RBM12B: variants seen among roughly 807,000 people sequenced by gnomAD.
RBM12B encodes RNA binding motif protein 12B.
RBM12B carries 10 observed loss-of-function variants against 34.3 expected under a neutral mutation model. That is an observed-to-expected ratio of 0.29 (90% CI 0.18 to 0.49). The LOEUF (loss-of-function observed/expected upper bound fraction) is 0.49, where lower values mean the gene tolerates loss of function less well. Among genes scored for constraint, RBM12B ranks in the 20% least tolerant of loss-of-function variants. The pLI is 0.99. For missense variants in RBM12B, 1,139 were observed against 1,262.7 expected (o/e 0.90, Z 1.48); for synonymous variants, 477 against 437.1 (o/e 1.09, Z -1.14).
Position 93,733,494 on chromosome 8 carries a change from T to C in RBM12B, c.2917A>G (p.Met973Val), listed in dbSNP as rs1215900742. 30 of 1,608,486 alleles carry C rather than the reference T, an allele frequency of 1.9e-5. No individual in the cohort carries two copies. Among genetic ancestry groups the C allele is most frequent in the Non-Finnish European group, 2.3e-5 (27 of 1,176,618 alleles). ...GLPTGEAIVA[M>V]INYNEAMAAI... is the part of the protein sequence containing the mutation. The stretch of plus-strand genomic sequence containing the variant: ...GCCATAGCTTCATTATAGTTTATCA[T>C]AGCAACAATGGCTTCCCCTGTAGGT... The change falls in exon 4 of 4, where the codon ATG becomes GTG. Residue 973 changes from methionine (M) to valine (V), a missense_variant. By Grantham distance (21) the Met-to-Val change is conservative (BLOSUM62 1). Transcript: ENST00000520560.
At chr8:93,738,347 G>T (rs757067929) in intron 2 of RBM12B, among the ~76,000 whole-genome samples, 1 of 152,198 alleles carries the variant, frequency 6.6e-6, no homozygotes, top group Non-Finnish European at 1.5e-5. Flanking sequence ...GGGATTACCC[G>T]TTTACTGAAA....
In RBM12B at chr8:93,735,238, A is replaced by G; in HGVS notation, c.1173T>C (p.Ser391=). The change falls in exon 4 of 4, where the codon TCT becomes TCC. Residue 391 remains serine (S), a synonymous_variant. Transcript: ENST00000520560. The stretch of plus-strand genomic sequence containing the variant: ...GTTTCTGGCCAGAGTTACCTTCTTG[A>G]GAGTATTTTTGTGAAACATGTCCGG... ...DRPGHVSQKY[S]QEGNSGQKLC... 6.2e-7 allele frequency: 1 copy of G among 1,614,046 alleles called. No individual in the cohort carries two copies. The highest frequency in any genetic ancestry group is 8.5e-7 in the Non-Finnish European group (1 of 1,180,034).
intron 1 of RBM12B, 27 bp from the exon 2 acceptor site, chr8:93,740,723 T>C (rs1023256707): frequency 2.1e-4 from 76 of 356,548 alleles, no homozygotes; most frequent in Non-Finnish European, 3.6e-4. Context: ...AGTCGGTGTT[T>C]TAGCAAGAAA....
chr8:93,734,738 A>G lies in RBM12B; in HGVS notation c.1673T>C (p.Phe558Ser), dbSNP rs756448376. 6.2e-7 allele frequency: 1 copy of G among 1,614,084 alleles called. No homozygotes were observed. The highest frequency in any genetic ancestry group is 8.5e-7 in the Non-Finnish European group (1 of 1,180,008). ...RQPDRHPPED[F>S]RHSSEDFRFP... is the part of the protein sequence containing the mutation. ...CCTAAAGTCCTCTGAGGAGTGTCGG[A>G]AGTCTTCTGGAGGGTGCCTGTCAGG... The change falls in exon 4 of 4, where the codon TTC becomes TCC. Residue 558 changes from phenylalanine to serine, a missense_variant. Phe to Ser is a radical substitution (Grantham distance 155). Coordinates refer to ENST00000520560, the MANE Select transcript of RBM12B (RefSeq NM_001377960.1).
chr8:93,734,768 C>T lies in RBM12B; in HGVS notation c.1643G>A (p.Arg548Gln), dbSNP rs758611467. 1.1e-4 allele frequency: 175 copies of T among 1,613,986 alleles called. 1 individual carries two copies. The Admixed American group carries it at 2.6e-3, about 24-fold the overall frequency. ...TTCTGGAGGGTGCCTGTCAGGCTGC[C>T]GGAAATCCCTCTGGGGATGCTTGAA... is the stretch of plus-strand genomic sequence containing the variant. ...DNFKHPQRDFRQPDRHPPEDF... is the reference protein window; with the variant it reads ...DNFKHPQRDFQQPDRHPPEDF... Residue 548 changes from arginine (R) to glutamine (Q), a missense_variant, in exon 4 of 4, where the codon CGG becomes CAG. By Grantham distance (43) the Arg-to-Gln change is conservative. This residue lies in a region of RBM12B where 863 missense variants were observed against 869.5 expected (regional missense o/e 0.99). Transcript: ENST00000520560.
Position 93,734,086 on chromosome 8 carries a change from G to C in RBM12B, c.2325C>G (p.Pro775=). The change falls in exon 4 of 4, where the codon CCC becomes CCG. Residue 775 remains proline (P), a synonymous_variant. Coordinates refer to ENST00000520560, the MANE Select transcript of RBM12B (RefSeq NM_001377960.1). ...RPPPEHFRRP[P]PEHFRRPPQE... ...GGGGCGGTCTCCGGAAGTGCTCCGG[G>C]GGCGGGCGCCTGAAATGCTCTGGGG... 1 of 1,564,032 alleles carries C rather than the reference G, an allele frequency of 6.4e-7. No individual in the cohort carries two copies.
chr8:93,740,253 A>T (rs189238517), intron 2 of RBM12B: 53 of 454,546 alleles, frequency 1.2e-4, no homozygotes, highest in Non-Finnish European at 2.1e-4. Flanking sequence ...ACGAATCCAC[A>T]TGGCACAGGA....
In RBM12B at chr8:93,735,398, T is replaced by C; in HGVS notation, c.1013A>G (p.Asn338Ser). The C allele has an allele frequency of 1.2e-6, 2 of 1,613,398 alleles. No individual in the cohort carries two copies. Among genetic ancestry groups the C allele is most frequent in the Non-Finnish European group, 1.7e-6 (2 of 1,179,546 alleles). The stretch of plus-strand genomic sequence containing the variant: ...AGTCTTATGTAAACTCAGAGCGGTA[T>C]TATAGTCTTTCAGAGTCTTGAACAT... ...FVMFKTLKDYNTALSLHKTVL... is the reference protein window; with the variant it reads ...FVMFKTLKDYSTALSLHKTVL... Residue 338 changes from asparagine (N) to serine (S), a missense_variant, in exon 4 of 4, where the codon AAT becomes AGT. Transcript: ENST00000520560.
At chr8:93,738,838 G>A (rs1812105024) in intron 2 of RBM12B, 1 of 152,138 alleles carries the variant, frequency 6.6e-6, no homozygotes, top group Non-Finnish European at 1.5e-5. Flanking sequence ...AAGTACCACT[G>A]TTCCCCAAAG....
chr8:93,734,278 AGGGGAATGCCTGAAATCCTCCTCT>A lies in RBM12B; in HGVS notation c.2109_2132del (p.His709_Arg716del), dbSNP rs1375486840. On this transcript the variant is annotated inframe_deletion, in exon 4 of 4. Coordinates refer to ENST00000520560, the MANE Select transcript of RBM12B (RefSeq NM_001377960.1). Reference sequence around the variant, plus strand: ...GGGGTGACTGCCTGAAGTCCTCCTCAGGGGAATGCCTGAAATCCTCCTCTGGGGGCCGCCTGAAGTCATCCTCGG... The same window carrying A: ...GGGGTGACTGCCTGAAGTCCTCCTCAGGGGGCCGCCTGAAGTCATCCTCGG... 6.2e-7 allele frequency: 1 copy of A among 1,611,974 alleles called. No homozygotes were observed. Among genetic ancestry groups the A allele is most frequent in the African/African-American group, 1.3e-5 (1 of 74,278 alleles).
At position 93,728,236 on chromosome 8, in the gene RBM12B, A is replaced by T. The variant is rs756303413; in HGVS notation, c.*5169T>A. On this transcript the variant is annotated 3_prime_UTR_variant, in exon 4 of 4. Transcript: ENST00000520560. ...ACTTGTCGACTAAGAAAGGATCAAC[A>T]AGCAGAAGATGATGAGGATGACGAG... 1.8e-5 allele frequency: 28 copies of T among 1,598,724 alleles called. No homozygotes were observed. The highest frequency in any genetic ancestry group is 1.9e-5 in the Non-Finnish European group (22 of 1,175,676).
chr8:93,730,713 A>G lies in RBM12B; in HGVS notation c.*2692T>C, dbSNP rs192408564. ...ATGGCCAATTTGTTATTGACATATC[A>G]CTAAAGGCAGAGTTGGAGAGAGATG... On this transcript the variant is annotated 3_prime_UTR_variant, in exon 4 of 4. Coordinates refer to ENST00000520560, the MANE Select transcript of RBM12B (RefSeq NM_001377960.1). 2.0e-4 allele frequency: 27 copies of G among 135,696 alleles called. No homozygotes were observed. Among genetic ancestry groups the G allele is most frequent in the African/African-American group, 6.5e-4 (25 of 38,602 alleles). The allele number at this position is 135,696 out of a possible 1,614,324, so 8.4% of individuals were successfully genotyped here.
chr8:93,734,752 G>C lies in RBM12B; in HGVS notation c.1659C>G (p.His553Gln), dbSNP rs1377680299. The C allele has an allele frequency of 1.2e-6, 2 of 1,614,128 alleles. No individual in the cohort carries two copies. The highest frequency in any genetic ancestry group is 1.7e-6 in the Non-Finnish European group (2 of 1,180,002). Residue 553 changes from histidine (H) to glutamine (Q), a missense_variant, in exon 4 of 4, where the codon CAC becomes CAG. Around this residue, in one of 3 missense-constraint regions of RBM12B, gnomAD observed 863 missense variants for 869.5 expected, o/e 0.99. Transcript: ENST00000520560. ...AGGAGTGTCGGAAGTCTTCTGGAGGGTGCCTGTCAGGCTGCCGGAAATCCC... is the reference window on the plus strand; with the variant it reads ...AGGAGTGTCGGAAGTCTTCTGGAGGCTGCCTGTCAGGCTGCCGGAAATCCC... ...PQRDFRQPDR[H>Q]PPEDFRHSSE...
At chr8:93,737,513 G>A (rs1812057427) in intron 2 of RBM12B, among the ~76,000 whole-genome samples, 158 bp from the exon 3 acceptor site, 2 of 151,796 alleles carry the variant, frequency 1.3e-5, no homozygotes, top group Admixed American at 1.3e-4. Context: ...TGTTCCAAGG[G>A]GAAATTAATC....
At position 93,734,365 on chromosome 8, in the gene RBM12B, GTCC is replaced by G; in HGVS notation, c.2043_2045del (p.Glu681del). The G allele has an allele frequency of 6.2e-7, 1 of 1,611,990 alleles. No individual in the cohort carries two copies. The highest frequency in any genetic ancestry group is 8.5e-7 in the Non-Finnish European group (1 of 1,179,432). ...ATTCTCCCTGAAGAGGCCGCCTAAA[GTCC>G]TCCTCTGGGGGCCGTCTCCAGTCCT... On this transcript the variant is annotated inframe_deletion, in exon 4 of 4. Coordinates refer to ENST00000520560, the MANE Select transcript of RBM12B (RefSeq NM_001377960.1).
chr8:93,733,685 C>T lies in RBM12B; in HGVS notation c.2726G>A (p.Gly909Glu). The change falls in exon 4 of 4, where the codon GGG becomes GAG. Residue 909 changes from glycine to glutamate, a missense_variant. By Grantham distance (98) the Gly-to-Glu change is moderately conservative. Coordinates refer to ENST00000520560, the MANE Select transcript of RBM12B (RefSeq NM_001377960.1). Reference sequence around the variant, plus strand: ...TATTTTTGGATCAGGCATAAATCTCCCCTCAGGAAAACTTCCCATATTATG... The same window carrying T: ...TATTTTTGGATCAGGCATAAATCTCTCCTCAGGAAAACTTCCCATATTATG... ...GKHNMGSFPE[G>E]RFMPDPKINC... 1 of 1,613,982 alleles carries T rather than the reference C, an allele frequency of 6.2e-7. No homozygotes were observed.
Position 93,736,163 on chromosome 8 carries a change from A to G in RBM12B, c.248T>C (p.Ile83Thr), listed in dbSNP as rs1260379356. 6.2e-7 allele frequency: 1 copy of G among 1,614,076 alleles called. No homozygotes were observed. The highest frequency in any genetic ancestry group is 1.3e-5 in the African/African-American group (1 of 74,916). ...TACACGATCAGTTCTTTTCATTTCT[A>G]TAGTCTTCTGCATTTCTGCCTTGCT... ...LSSKAEMQKTIEMKRTDRVGR... is the reference protein window; with the variant it reads ...LSSKAEMQKTTEMKRTDRVGR... The change falls in exon 4 of 4, where the codon ATA becomes ACA. Residue 83 changes from isoleucine (I) to threonine (T), a missense_variant. By Grantham distance (89) the Ile-to-Thr change is moderately conservative (BLOSUM62 -1). Coordinates refer to ENST00000520560, the MANE Select transcript of RBM12B (RefSeq NM_001377960.1).
At chr8:93,739,063 A>T (rs1207749703) in intron 2 of RBM12B, 1 of 152,206 alleles carries the variant, frequency 6.6e-6, no homozygotes, top group East Asian at 1.9e-4. Context: ...CTAACACTTC[A>T]ACAAAAACTA....
Position 93,728,286 on chromosome 8 carries a change from T to G in RBM12B, c.*5119A>C, listed in dbSNP as rs190789560. On this transcript the variant is annotated 3_prime_UTR_variant, in exon 4 of 4. Transcript: ENST00000520560. ...GTTAGATGTTACAGAAGAAGAAAAT[T>G]TTCTTAAGTAAACTACACATTTCCA... is the stretch of plus-strand genomic sequence containing the variant. The G allele has an allele frequency of 3.8e-5, 60 of 1,580,530 alleles. 1 individual carries two copies. In the East Asian group the frequency reaches 1.4e-3, roughly 36 times the overall value.
Sources: gnomAD v4.1 joint callset for allele counts (sites outside exome capture counted in the v4.1 genomes callset) on GRCh38, gnomAD v4.1.1 for gene constraint, gnomAD v4.1.1 regional missense constraint, MANE v1.5 for transcripts, NCBI Gene and HGNC (gene_info 2026-07-23, HGNC 2026-07-21) for gene names.